Variants in ZNF516 observed in about 807,000 individuals in gnomAD.
ZNF516 encodes zinc finger protein 516.
A neutral mutation model predicts 79.7 loss-of-function variants in ZNF516; 19 were observed. The observed-to-expected ratio is 0.24, with a 90% confidence interval of 0.17 to 0.35. The LOEUF is 0.35. ZNF516 is among the 10% of genes least tolerant of loss of function. The pLI is 1.00. For missense variants in ZNF516, 1,678 were observed against 1,679.5 expected (o/e 1.00, Z 0.02); for synonymous variants, 877 against 739.5 (o/e 1.19, Z -3.02).
rs986427422 is a variant in ZNF516 at position 76,371,581 on chromosome 18, C to T, written c.3260-10G>A. On this transcript the variant is annotated splice_polypyrimidine_tract_variant and intron_variant, in intron 4 of 6. Transcript: ENST00000443185. ...TGCGTCCGGAGTGTCCCTGCGGTGG[C>T]GAGGTGGTGGTGGTGGCAGGGCCGT... The T allele has an allele frequency of 2.5e-6, 4 of 1,606,426 alleles. No individual in the cohort carries two copies. Among genetic ancestry groups the T allele is most frequent in the East Asian group, 2.2e-5 (1 of 44,784 alleles).
chr18:76,445,938 C>G (rs537571163), intron 2 of ZNF516, among the ~76,000 whole-genome samples: 2 of 152,374 alleles, frequency 1.3e-5, no homozygotes, highest in South Asian at 4.1e-4. Context: ...CTGGGGTCTG[C>G]GCCCAGAGAA....
At chr18:76,466,614 G>T (rs1913487829) in intron 1 of ZNF516, among the ~76,000 whole-genome samples, 1 of 152,238 alleles carries the variant, frequency 6.6e-6, no homozygotes, top group African/African-American at 2.4e-5. Flanking sequence ...CAAGGAGAAA[G>T]GCACTCTGTG....
rs142562447 is a variant in ZNF516 at position 76,443,360 on chromosome 18, G to A, written c.-157-149C>T. ...AACAACACTTCACACACAGGCGAGA[G>A]CAGCTGCTTGCCTTAGTAAAAAATC... On this transcript the variant is annotated intron_variant, in intron 2 of 6. Transcript: ENST00000443185. 2.3e-3 allele frequency: 915 copies of A among 397,816 alleles called. 2 individuals carry two copies. Among genetic ancestry groups the A allele is most frequent in the Non-Finnish European group, 3.3e-3 (735 of 224,198 alleles). The allele number at this position is 397,816 out of a possible 1,614,324, so 24.6% of individuals were successfully genotyped here. A position where few individuals can be genotyped will look rare whatever the true frequency, so the allele number is the denominator to read the frequency against.
chr18:76,465,181 A>C (rs1322774243), intron 1 of ZNF516, among the ~76,000 whole-genome samples: 3 of 152,230 alleles, frequency 2.0e-5, no homozygotes, highest in Admixed American at 1.3e-4. Context: ...ACTAAGCACA[A>C]GCTATTTTCT....
chr18:76,440,864 G>C (rs2075808509), intron 3 of ZNF516, among the ~76,000 whole-genome samples: 1 of 152,224 alleles, frequency 6.6e-6, no homozygotes, highest in African/African-American at 2.4e-5. Context: ...TCTTTGCTCA[G>C]AAATTAGGAT....
chr18:76,417,376 A>AT (rs1477875195), intron 3 of ZNF516, among the ~76,000 whole-genome samples: 1 of 152,244 alleles, frequency 6.6e-6, no homozygotes, highest in Non-Finnish European at 1.5e-5. Flanking sequence ...ATCTTGAGAA[A>AT]CTTTTAAAAT....
intron 3 of ZNF516, chr18:76,388,302 C>T (rs962176048): frequency 2.6e-5 from 4 of 152,244 alleles, no homozygotes; most frequent in African/African-American, 9.6e-5. Context: ...TGGTTGAACA[C>T]TTAGCCATCC....
In ZNF516 at chr18:76,442,082, C is replaced by T. The variant is rs781498105; in HGVS notation, c.973G>A (p.Glu325Lys). The T allele has an allele frequency of 1.1e-5, 18 of 1,613,942 alleles. No homozygotes were observed. Among genetic ancestry groups the T allele is most frequent in the Non-Finnish European group, 1.5e-5 (18 of 1,179,910 alleles). Residue 325 changes from glutamate to lysine, a missense_variant, in exon 3 of 7, where the codon GAG (glutamate) becomes AAG (lysine). Physicochemically the swap from Glu to Lys is moderately conservative, Grantham distance 56. Coordinates refer to ENST00000443185, the MANE Select transcript of ZNF516 (RefSeq NM_014643.4). Reference sequence around the variant, plus strand: ...AGGCTCAGGCCGGCGACGATCACCTCCTCCTGGACCACGTTGTTGATGGTG... The same window carrying T: ...AGGCTCAGGCCGGCGACGATCACCTTCTCCTGGACCACGTTGTTGATGGTG... ...IATINNVVQE[E>K]VIVAGLSLYE...
intron 6 of ZNF516, among the ~76,000 whole-genome samples, chr18:76,366,992 C>G (rs909427119): frequency 6.6e-5 from 10 of 152,204 alleles, no homozygotes; most frequent in Admixed American, 5.2e-4. Context: ...TAGATACAGT[C>G]TCTGCCAGGA....
At chr18:76,425,833 C>G (rs1454611832) in intron 3 of ZNF516, among the ~76,000 whole-genome samples, 4 of 152,190 alleles carry the variant, frequency 2.6e-5, no homozygotes, top group African/African-American at 9.7e-5. Context: ...GTAAGAGACA[C>G]AAGCAGAGCC....
chr18:76,420,042 A>ATGCCATGGC (rs1364298183), intron 3 of ZNF516, among the ~76,000 whole-genome samples: 1 of 152,184 alleles, frequency 6.6e-6, no homozygotes, highest in Non-Finnish European at 1.5e-5. Context: ...GTACCTGGGG[A>ATGCCATGGC]TCCCATGGCT....
Position 76,467,596 on chromosome 18 carries a change from T to A in ZNF516, c.-271-4455A>T, listed in dbSNP as rs1599136932. On this transcript the variant is annotated intron_variant, in intron 1 of 6. Transcript: ENST00000443185. This position sits in a 1 kb window ranked among gnomAD's most constrained non-coding sequence, Gnocchi z 4.2. Reference sequence around the variant, plus strand: ...GCTTCGGAGGCTGGTGGTGGGGAGGTCCAAACCAGAGGGGAGTCCCTGCTG... The same window carrying A: ...GCTTCGGAGGCTGGTGGTGGGGAGGACCAAACCAGAGGGGAGTCCCTGCTG... 6.6e-6 allele frequency among the ~76,000 whole-genome samples: 1 copy of A among 151,768 alleles called. No homozygotes were observed. The highest frequency in any genetic ancestry group is 2.1e-4 in the South Asian group (1 of 4,790).
At chr18:76,471,802 T>A (rs1412784867) in intron 1 of ZNF516, among the ~76,000 whole-genome samples, 2 of 152,012 alleles carry the variant, frequency 1.3e-5, no homozygotes. Context: ...ACTGCAGGTG[T>A]CCCCAAGACA....
chr18:76,429,228 G>A (rs893057890), intron 3 of ZNF516, among the ~76,000 whole-genome samples: 5 of 152,228 alleles, frequency 3.3e-5, no homozygotes, highest in Admixed American at 2.0e-4. Context: ...CCAGGGCCAA[G>A]GGCCTGAGGG....
chr18:76,442,151 T>TC lies in ZNF516; in HGVS notation c.903dup (p.Thr302AspfsTer10). Reference sequence around the variant, plus strand: ...CTCTTGGGCCTGTTCTTGCTGCCCGTCTTGGGGCCGTGCGCCTTCATGTGG... The same window carrying TC: ...CTCTTGGGCCTGTTCTTGCTGCCCGTCCTTGGGGCCGTGCGCCTTCATGTGG... On this transcript the variant is annotated frameshift_variant, in exon 3 of 7. Coordinates refer to ENST00000443185, the MANE Select transcript of ZNF516 (RefSeq NM_014643.4). LOFTEE classifies it high-confidence loss of function. 6.2e-7 allele frequency: 1 copy of TC among 1,613,930 alleles called. No homozygotes were observed. The highest frequency in any genetic ancestry group is 8.5e-7 in the Non-Finnish European group (1 of 1,179,876).
intron 1 of ZNF516, among the ~76,000 whole-genome samples, chr18:76,466,817 A>T (rs1189723824): frequency 1.3e-5 from 2 of 152,238 alleles, no homozygotes; most frequent in Admixed American, 1.3e-4. Context: ...CTGATGCAAC[A>T]GGAGACAGGA....
At chr18:76,434,217 A>C (rs899201638) in intron 3 of ZNF516, among the ~76,000 whole-genome samples, 1 of 151,408 alleles carries the variant, frequency 6.6e-6, no homozygotes, top group Non-Finnish European at 1.5e-5. Context: ...AATCTACAAA[A>C]AGGAACCCTT....
chr18:76,361,722 C>G lies in ZNF516; in HGVS notation c.*776G>C, dbSNP rs1456404310. The G allele has an allele frequency of 6.6e-6, 1 of 152,204 alleles. No individual in the cohort carries two copies. Among genetic ancestry groups the G allele is most frequent in the Non-Finnish European group, 1.5e-5 (1 of 68,056 alleles). The allele number at this position is 152,204 out of a possible 1,614,324, so 9.4% of individuals were successfully genotyped here. A position where few individuals can be genotyped will look rare whatever the true frequency, so the allele number is the denominator to read the frequency against. On this transcript the variant is annotated 3_prime_UTR_variant, in exon 7 of 7. Coordinates refer to ENST00000443185, the MANE Select transcript of ZNF516 (RefSeq NM_014643.4). The stretch of plus-strand genomic sequence containing the variant: ...AAAGGTCCTGAGAATAAACAAGAAG[C>G]CTGCTTTTCTTAGTGTTGCGCTAGC...
intron 6 of ZNF516, among the ~76,000 whole-genome samples, chr18:76,364,200 T>C (rs957884152): frequency 1.3e-5 from 2 of 152,256 alleles, no homozygotes; most frequent in Non-Finnish European, 2.9e-5. Flanking sequence ...CAAATCCAGA[T>C]GCAGAGACGC....
Sources: allele counts gnomAD v4.1 joint callset (sites outside exome capture counted in the v4.1 genomes callset), GRCh38; gene constraint gnomAD v4.1.1; non-coding constraint Gnocchi (gnomAD v3.1); transcripts MANE v1.5; gene names NCBI Gene and HGNC (gene_info 2026-07-23, HGNC 2026-07-21).